The following PCOLCE2 variants were observed in gnomAD, a reference collection of about 807,000 sequenced individuals.
PCOLCE2 encodes procollagen C-proteinase enhancer 2.
In PCOLCE2, 42 loss-of-function variants were observed where a neutral mutation model predicts 47.0. The observed-to-expected ratio is 0.89, with a 90% CI of 0.70 to 1.16. The LOEUF (loss-of-function observed/expected upper bound fraction) is 1.16. PCOLCE2 is among the 50% of genes most tolerant of loss of function. The pLI is 0.00. For synonymous variants in PCOLCE2, 169 were observed against 191.7 expected, an observed-to-expected ratio of 0.88 and a Z score of 0.98; for missense variants, 500 against 526.1, an observed-to-expected ratio of 0.95 and a Z score of 0.49.
chr3:142,819,143 G>A (rs1045407219), intron 8 of PCOLCE2, among the ~76,000 whole-genome samples: 2 of 152,180 alleles, frequency 1.3e-5, no homozygotes, highest in African/African-American at 4.8e-5. Context: ...ACTTGCATTT[G>A]TACAGTTTCT....
chr3:142,851,298 G>A (rs1168740536), intron 2 of PCOLCE2, among the ~76,000 whole-genome samples: 2 of 152,112 alleles, frequency 1.3e-5, no homozygotes, highest in Non-Finnish European at 2.9e-5. Flanking sequence ...GCATGGTGGC[G>A]ATATTTGTTT....
chr3:142,881,899 G>A (rs544516716), intron 2 of PCOLCE2, among the ~76,000 whole-genome samples: 1 of 152,138 alleles, frequency 6.6e-6, no homozygotes. Context: ...TCTTCATGGA[G>A]TAGCTAAATA....
At chr3:142,823,336 A>G (rs545543127) in intron 7 of PCOLCE2, among the ~76,000 whole-genome samples, 196 bp downstream of exon 7, 4 of 152,256 alleles carry the variant, frequency 2.6e-5, no homozygotes, top group Non-Finnish European at 5.9e-5. Context: ...TGAAAAAAGT[A>G]TATTTTCTAA....
At chr3:142,832,049 G>A (rs932128768) in intron 5 of PCOLCE2, among the ~76,000 whole-genome samples, 1 of 152,216 alleles carries the variant, frequency 6.6e-6, no homozygotes, top group Non-Finnish European at 1.5e-5. Flanking sequence ...AACGGACTGA[G>A]ATGCTGTTTC....
chr3:142,827,491 C>T (rs914979148), intron 6 of PCOLCE2: 18 of 1,505,676 alleles, frequency 1.2e-5, no homozygotes, highest in Admixed American at 3.4e-5. Context: ...ATGCCCAGGA[C>T]AGCTTGCTAC....
intron 2 of PCOLCE2, among the ~76,000 whole-genome samples, chr3:142,886,155 C>T (rs1350952568): frequency 6.6e-6 from 1 of 152,200 alleles, no homozygotes; most frequent in African/African-American, 2.4e-5. Flanking sequence ...TCCCCACTCC[C>T]ACACAGGAAA....
At chr3:142,869,043 G>A (rs1933334540) in intron 2 of PCOLCE2, among the ~76,000 whole-genome samples, 1 of 152,122 alleles carries the variant, frequency 6.6e-6, no homozygotes, top group Non-Finnish European at 1.5e-5. Flanking sequence ...TGTAATCCCA[G>A]CACTTTGGGA....
At chr3:142,862,921 C>A (rs1318164961) in intron 2 of PCOLCE2, among the ~76,000 whole-genome samples, 1 of 151,660 alleles carries the variant, frequency 6.6e-6, no homozygotes, top group Non-Finnish European at 1.5e-5. Context: ...TAAAAATATT[C>A]TTGTGCTTAA....
At chr3:142,835,939 T>C (rs1276163803) in intron 5 of PCOLCE2, among the ~76,000 whole-genome samples, 19 of 152,258 alleles carry the variant, frequency 1.2e-4, no homozygotes, top group Admixed American at 1.2e-3. Flanking sequence ...CCATCACACC[T>C]GCTTTGTCAT....
intron 8 of PCOLCE2, among the ~76,000 whole-genome samples, 163 bp from the exon 9 acceptor site, chr3:142,818,628 A>G (rs929403407): frequency 9.2e-5 from 14 of 152,124 alleles, no homozygotes; most frequent in African/African-American, 3.4e-4. Flanking sequence ...TTTGCTTTTT[A>G]GAGATGGGGG....
intron 2 of PCOLCE2, among the ~76,000 whole-genome samples, chr3:142,886,322 T>G (rs1414951201): frequency 6.6e-6 from 1 of 152,080 alleles, no homozygotes; most frequent in East Asian, 1.9e-4. Flanking sequence ...ATGACGCCTC[T>G]GAGCCATTGA....
chr3:142,843,317 A>G (rs553272775), intron 3 of PCOLCE2: 1 of 507,220 alleles, frequency 2.0e-6, no homozygotes, highest in African/African-American at 1.9e-5. Flanking sequence ...TTCCTTAGAC[A>G]AGGAAGACAA....
chr3:142,852,314 A>G lies in PCOLCE2; in HGVS notation c.193-3842T>C, dbSNP rs190088878. Among the ~76,000 whole-genome samples, 249 of 152,278 alleles carry G rather than the reference A, an allele frequency of 1.6e-3. 1 individual carries two copies. Among genetic ancestry groups the G allele is most frequent in the African/African-American group, 5.4e-3 (224 of 41,548 alleles). On this transcript the variant is annotated intron_variant, in intron 2 of 8. Transcript: ENST00000295992. ...GAGCTCCTGATTGTCATTATAAAGG[A>G]CTTTAGAGAGCATATTCTCCGAAGA...
intron 5 of PCOLCE2, among the ~76,000 whole-genome samples, chr3:142,837,853 A>T (rs1937221907): frequency 6.6e-6 from 1 of 152,206 alleles, no homozygotes; most frequent in Admixed American, 6.5e-5. Context: ...GGCTCCATAA[A>T]TGTTTGTTGA....
At chr3:142,852,022 T>G (rs1932949694) in intron 2 of PCOLCE2, among the ~76,000 whole-genome samples, 1 of 152,206 alleles carries the variant, frequency 6.6e-6, no homozygotes, top group East Asian at 1.9e-4. Flanking sequence ...AGAAACTGGG[T>G]TACATCATTG....
intron 1 of PCOLCE2, among the ~76,000 whole-genome samples, chr3:142,888,171 AG>A (rs1341096168): frequency 3.9e-5 from 6 of 152,232 alleles, no homozygotes; most frequent in African/African-American, 1.4e-4. Flanking sequence ...ATATAAAAAA[AG>A]TTTGTCGTTC....
chr3:142,860,358 G>T (rs1188997825), intron 2 of PCOLCE2, among the ~76,000 whole-genome samples: 1 of 151,992 alleles, frequency 6.6e-6, no homozygotes, highest in Non-Finnish European at 1.5e-5. Flanking sequence ...ACAGCCACAT[G>T]AATATTAAAT....
At chr3:142,888,729 G>A (rs777952339) in intron 1 of PCOLCE2, 85 bp downstream of exon 1, 163 of 824,966 alleles carry the variant, frequency 2.0e-4, no homozygotes, top group Non-Finnish European at 2.7e-4. Flanking sequence ...GCGCGCCGAA[G>A]CGGGTTGAGT....
At chr3:142,827,097 T>C in intron 6 of PCOLCE2, 1 of 1,402,264 alleles carries the variant, frequency 7.1e-7, no homozygotes, top group Non-Finnish European at 1.0e-6. Flanking sequence ...CCCTTAGCAC[T>C]AGTTCTCTTT....
Sources: allele counts gnomAD v4.1 joint callset (sites outside exome capture counted in the v4.1 genomes callset), GRCh38; gene constraint gnomAD v4.1.1; transcripts MANE v1.5; gene names NCBI Gene and HGNC (gene_info 2026-07-23, HGNC 2026-07-21).